The following MAPRE2 variants were observed in gnomAD, a reference collection of about 807,000 sequenced individuals.
The protein encoded by MAPRE2 is microtubule-associated protein RP/EB family member 2.
A neutral mutation model predicts 43.2 loss-of-function variants in MAPRE2; 13 were observed. The ratio of observed to expected loss-of-function variants is 0.30; its 90% confidence interval spans 0.20 to 0.48. The LOEUF is 0.48. MAPRE2 is among the 20% of genes least tolerant of loss of function. MAPRE2 has a pLI of 0.99. For synonymous variants in MAPRE2, 135 were observed against 148.8 expected (o/e 0.91, Z 0.68); for missense variants, 161 against 400.2 (o/e 0.40, Z 5.10).
At chr18:35,050,191 A>G (rs1184676404) in intron 1 of MAPRE2, among the ~76,000 whole-genome samples, 1 of 152,162 alleles carries the variant, frequency 6.6e-6, no homozygotes, top group Non-Finnish European at 1.5e-5. Flanking sequence ...TACCTCATCA[A>G]TCAGTGATGT....
At chr18:35,042,821 T>C (rs1905433921) in intron 1 of MAPRE2, among the ~76,000 whole-genome samples, 2 of 152,188 alleles carry the variant, frequency 1.3e-5, no homozygotes, top group Admixed American at 1.3e-4. Context: ...GATGGTATTA[T>C]GGGTAGAATA....
intron 2 of MAPRE2, among the ~76,000 whole-genome samples, chr18:35,024,893 A>G (rs2097044190): frequency 6.6e-6 from 1 of 152,110 alleles, no homozygotes; most frequent in Non-Finnish European, 1.5e-5. Context: ...TACAATGATG[A>G]ATTTGCTTGG....
chr18:34,978,790 G>A (rs2097014575), intron 1 of MAPRE2, among the ~76,000 whole-genome samples: 1 of 152,152 alleles, frequency 6.6e-6, no homozygotes, highest in Non-Finnish European at 1.5e-5. Context: ...TTCCTTGCGT[G>A]GGTAGAGCTA....
intron 1 of MAPRE2, among the ~76,000 whole-genome samples, chr18:34,985,364 A>ATTTT: frequency 5.2e-4 from 21 of 40,700 alleles, no homozygotes; most frequent in African/African-American, 2.2e-3. Context: ...TATATAATAT[A>ATTTT]ATATATAATA....
chr18:35,058,470 A>T (rs1005215594), intron 1 of MAPRE2, among the ~76,000 whole-genome samples: 1 of 152,212 alleles, frequency 6.6e-6, no homozygotes, highest in Non-Finnish European at 1.5e-5. Context: ...GAAGTCTTTC[A>T]TTAGCTTTGA....
intron 3 of MAPRE2, 105 bp downstream of exon 3, chr18:35,097,696 C>T: frequency 1.0e-6 from 1 of 975,124 alleles, no homozygotes; most frequent in Admixed American, 2.5e-5. Context: ...ATCTTGATAT[C>T]CCAACAGTAG....
intron 1 of MAPRE2, among the ~76,000 whole-genome samples, chr18:35,064,342 C>T (rs1374822282): frequency 6.7e-6 from 1 of 150,190 alleles, no homozygotes. Flanking sequence ...TGTATATATA[C>T]TGTTTTGTCC....
chr18:35,018,179 A>G (rs2097039645), intron 2 of MAPRE2, among the ~76,000 whole-genome samples: 1 of 151,924 alleles, frequency 6.6e-6, no homozygotes, highest in Non-Finnish European at 1.5e-5. Flanking sequence ...GTGGTGGGTT[A>G]ACTTTTTGAT....
chr18:35,023,872 A>G (rs2097043460), intron 2 of MAPRE2, among the ~76,000 whole-genome samples: 2 of 152,150 alleles, frequency 1.3e-5, no homozygotes, highest in Non-Finnish European at 2.9e-5. Context: ...TTCACTGAGT[A>G]CTATGTCTCC....
chr18:35,069,670 T>C (rs1439965521), intron 1 of MAPRE2, among the ~76,000 whole-genome samples: 2 of 152,166 alleles, frequency 1.3e-5, no homozygotes, highest in Non-Finnish European at 2.9e-5. Context: ...TAAACATACA[T>C]ATACAATATA....
At chr18:35,094,935 G>T (rs999054562) in intron 2 of MAPRE2, among the ~76,000 whole-genome samples, 1 of 152,150 alleles carries the variant, frequency 6.6e-6, no homozygotes, top group African/African-American at 2.4e-5. Context: ...CCTTATTGTT[G>T]TGAGGGAAAG....
chr18:35,074,340 C>A lies in MAPRE2; in HGVS notation c.250+4018C>A, dbSNP rs751214938. Among the ~76,000 whole-genome samples, 5 of 151,626 alleles carry A rather than the reference C, an allele frequency of 3.3e-5. No individual in the cohort carries two copies. The East Asian group carries it at 5.8e-4, about 18-fold the overall frequency. ...ACTAGCTCAAACTAATTTACTAAAT[C>A]TTTTATAAGGTAGCAATGAGGGTGA... On this transcript the variant is annotated intron_variant, in intron 2 of 6. Transcript: ENST00000300249.
chr18:35,053,588 A>G (rs16966360), intron 1 of MAPRE2, among the ~76,000 whole-genome samples: 5,795 of 151,928 alleles, frequency 0.038, 337 homozygotes, highest in African/African-American at 0.13. Context: ...GAAGAACCCT[A>G]TAATTAAGAC....
upstream of MAPRE2, among the ~76,000 whole-genome samples, chr18:35,037,353 C>T (rs12958091): frequency 6.6e-6 from 1 of 152,338 alleles, no homozygotes; most frequent in South Asian, 2.1e-4. Flanking sequence ...ATCTCCACAG[C>T]AGCACTATGG....
chr18:35,009,292 G>A (rs1304408464), intron 2 of MAPRE2, among the ~76,000 whole-genome samples: 1 of 152,106 alleles, frequency 6.6e-6, no homozygotes, highest in Non-Finnish European at 1.5e-5. Flanking sequence ...CCATAAACAT[G>A]TATTGATCAC....
At chr18:35,029,428 G>A (rs1316254775) in intron 2 of MAPRE2, among the ~76,000 whole-genome samples, 1 of 152,136 alleles carries the variant, frequency 6.6e-6, no homozygotes, top group Non-Finnish European at 1.5e-5. Flanking sequence ...AATGTCCCTG[G>A]TTGCCACTTG....
chr18:35,106,279 G>A (rs1337370066), intron 4 of MAPRE2, among the ~76,000 whole-genome samples: 1 of 151,854 alleles, frequency 6.6e-6, no homozygotes, highest in Non-Finnish European at 1.5e-5. Context: ...TTTATTTTGA[G>A]TTTGGAATAC....
intron 5 of MAPRE2, among the ~76,000 whole-genome samples, chr18:35,130,513 G>C (rs1910098926): frequency 1.3e-5 from 2 of 152,114 alleles, no homozygotes; most frequent in South Asian, 2.1e-4. Context: ...GTGTGTGTTT[G>C]AATGAATCAG....
At chr18:35,092,059 A>G (rs1908177042) in intron 2 of MAPRE2, among the ~76,000 whole-genome samples, 1 of 152,174 alleles carries the variant, frequency 6.6e-6, no homozygotes, top group African/African-American at 2.4e-5. Context: ...CACTTGCTAC[A>G]CACTTTTAAA....
Sources: gnomAD v4.1 joint callset for allele counts (sites outside exome capture counted in the v4.1 genomes callset) on GRCh38, gnomAD v4.1.1 for gene constraint, MANE v1.5 for transcripts, NCBI Gene and HGNC (gene_info 2026-07-23, HGNC 2026-07-21) for gene names.